The following RIC1 variants were observed in gnomAD, a reference collection of about 807,000 sequenced individuals.
RIC1 encodes the protein guanine nucleotide exchange factor subunit RIC1.
Under a neutral mutation model 169.0 loss-of-function variants are expected in RIC1, and 88 were observed. The ratio of observed to expected loss-of-function variants is 0.52; its 90% CI spans 0.44 to 0.62. The LOEUF (loss-of-function observed/expected upper bound fraction) is 0.62. Among genes scored for constraint, RIC1 ranks in the 20% least tolerant of loss-of-function variants. RIC1 has a pLI of 0.00. For missense variants in RIC1, 1,877 were observed against 1,725.5 expected (o/e 1.09, Z -1.56); for synonymous variants, 790 against 601.5 (o/e 1.31, Z -4.59).
intron 12 of RIC1, among the ~76,000 whole-genome samples, chr9:5,749,994 GTCTCAAACTCCTGACC>G (rs1368515741): frequency 1.3e-5 from 2 of 151,762 alleles, no homozygotes; most frequent in Non-Finnish European, 2.9e-5. Context: ...GGCCAGGCTG[GTCTCAAACTCCTGACC>G]TTGTGATCCA....
chr9:5,675,267 G>C (rs1820373100), intron 2 of RIC1, among the ~76,000 whole-genome samples: 1 of 152,132 alleles, frequency 6.6e-6, no homozygotes, highest in Non-Finnish European at 1.5e-5. Context: ...GAGTCAGGGT[G>C]GAGAATGAGC....
intron 1 of RIC1, among the ~76,000 whole-genome samples, chr9:5,648,376 T>C (rs975023153): frequency 6.6e-6 from 1 of 152,210 alleles, no homozygotes; most frequent in Non-Finnish European, 1.5e-5. Flanking sequence ...TGAAAGGATA[T>C]TGAGTTTTAT....
chr9:5,752,278 A>G (rs1825766465), intron 12 of RIC1, among the ~76,000 whole-genome samples: 1 of 152,170 alleles, frequency 6.6e-6, no homozygotes, highest in African/African-American at 2.4e-5. Flanking sequence ...TAGATAAGTA[A>G]GTCAAATACC....
rs188937542 is a variant in RIC1, at chr9:5,664,947, C to A, written c.252+8257C>A. ...ATTGTGAAGTTCTTGTAGTATGTTT[C>A]TGAGCTCTAACAGGTCGGTTATGTT... On this transcript the variant is annotated intron_variant, in intron 2 of 25. Transcript: ENST00000414202. Among the ~76,000 whole-genome samples the A allele has an allele frequency of 2.3e-3, 353 of 152,262 alleles. 3 individuals are homozygous for A. The highest frequency in any genetic ancestry group is 7.3e-4 in the Non-Finnish European group (50 of 68,030).
At chr9:5,722,750 C>T (rs1236606268) in intron 6 of RIC1, among the ~76,000 whole-genome samples, 3 of 152,040 alleles carry the variant, frequency 2.0e-5, no homozygotes, top group Admixed American at 2.0e-4. Flanking sequence ...ATGTTCCCCA[C>T]CTTGTGTCCA....
intron 2 of RIC1, among the ~76,000 whole-genome samples, chr9:5,676,515 G>C (rs1350816349): frequency 1.3e-5 from 2 of 152,124 alleles, no homozygotes; most frequent in Non-Finnish European, 2.9e-5. Context: ...GAGCAAACTA[G>C]GGTACAGAGA....
intron 7 of RIC1, among the ~76,000 whole-genome samples, chr9:5,734,973 C>T (rs1052440082): frequency 6.6e-6 from 1 of 152,068 alleles, no homozygotes; most frequent in African/African-American, 2.4e-5. Flanking sequence ...ATCTAATACC[C>T]AATTTATATG....
At chr9:5,723,810 T>C (rs1427531894) in intron 6 of RIC1, among the ~76,000 whole-genome samples, 6 of 152,248 alleles carry the variant, frequency 3.9e-5, no homozygotes, top group Non-Finnish European at 7.3e-5. Context: ...ATTTATTAAA[T>C]AGAGAATCCT....
In RIC1 at chr9:5,713,914, G is replaced by T. The variant is rs751712102; in HGVS notation, c.351G>T (p.Lys117Asn). The change falls in exon 4 of 26, where the codon AAG (lysine) becomes AAT (asparagine). Residue 117 changes from lysine (K) to asparagine (N), a missense_variant. Transcript: ENST00000414202. ...GTTTTAGAGGAAGTCCACAAATGAAGGGGACACCCCATTTTAAGGAAGAAC... is the reference window on the plus strand; with the variant it reads ...GTTTTAGAGGAAGTCCACAAATGAATGGGACACCCCATTTTAAGGAAGAAC... The part of the protein sequence containing the change: ...PVYPKGSPQM[K>N]GTPHFKEEQC... 1.9e-6 allele frequency: 3 copies of T among 1,612,722 alleles called. No individual in the cohort carries two copies. The highest frequency in any genetic ancestry group is 2.5e-6 in the Non-Finnish European group (3 of 1,179,038).
chr9:5,774,689 C>G lies in RIC1; in HGVS notation c.*443C>G, dbSNP rs1035020096. The G allele has an allele frequency of 6.4e-6, 1 of 156,706 alleles. No individual in the cohort carries two copies. Among genetic ancestry groups the G allele is most frequent in the Admixed American group, 6.2e-5 (1 of 16,218 alleles). The allele number at this position is 156,706 out of a possible 1,614,324, so 9.7% of individuals were successfully genotyped here. A position where few individuals can be genotyped will look rare whatever the true frequency, so the allele number is the denominator to read the frequency against. ...AGGTACTTGAGCTACCTGTTTGCTC[C>G]CTTGGATACAGCTGGACTCTTTAAT... On this transcript the variant is annotated 3_prime_UTR_variant, in exon 26 of 26. Coordinates refer to ENST00000414202, the MANE Select transcript of RIC1 (RefSeq NM_020829.4).
At chr9:5,733,965 T>G (rs1441390516) in intron 7 of RIC1, among the ~76,000 whole-genome samples, 5 of 150,226 alleles carry the variant, frequency 3.3e-5, no homozygotes, top group Admixed American at 3.3e-4. Flanking sequence ...ACCTAGAATT[T>G]TCTTATTGTG....
chr9:5,757,219 A>T, intron 16 of RIC1, 94 bp from the exon 17 acceptor site: 1 of 1,407,546 alleles, frequency 7.1e-7, no homozygotes, highest in South Asian at 1.2e-5. Context: ...TGAGTCTTCC[A>T]TAAGCATGAA....
intron 2 of RIC1, among the ~76,000 whole-genome samples, chr9:5,688,358 G>A (rs1464715152): frequency 6.6e-6 from 1 of 152,322 alleles, no homozygotes; most frequent in East Asian, 1.9e-4. Flanking sequence ...GGTCACTTCA[G>A]TTGTTTCTTA....
intron 6 of RIC1, among the ~76,000 whole-genome samples, chr9:5,721,468 A>C (rs893310460): frequency 3.3e-5 from 5 of 152,236 alleles, no homozygotes; most frequent in African/African-American, 1.2e-4. Flanking sequence ...ACACACGCTG[A>C]AGAGCCCCAG....
intron 1 of RIC1, among the ~76,000 whole-genome samples, chr9:5,638,441 T>C (rs1818079489): frequency 6.6e-6 from 1 of 152,200 alleles, no homozygotes; most frequent in African/African-American, 2.4e-5. Flanking sequence ...TAAATGTTTG[T>C]TGGAATTGAG....
chr9:5,743,155 A>C (rs1426118821), intron 9 of RIC1, 142 bp downstream of exon 9: 2 of 686,690 alleles, frequency 2.9e-6, no homozygotes, highest in Non-Finnish European at 4.8e-6. Flanking sequence ...ATCTGTTCGA[A>C]TATACTGATT....
At chr9:5,675,513 T>C (rs1014902145) in intron 2 of RIC1, among the ~76,000 whole-genome samples, 7 of 152,246 alleles carry the variant, frequency 4.6e-5, no homozygotes, top group Non-Finnish European at 1.0e-4. Context: ...TTAAATTATT[T>C]TGTTACTCTT....
intron 11 of RIC1, among the ~76,000 whole-genome samples, chr9:5,746,399 A>G (rs2130998440): frequency 6.6e-6 from 1 of 152,224 alleles, no homozygotes; most frequent in Non-Finnish European, 1.5e-5. Context: ...TCCTCCAGGC[A>G]CTACTTATGA....
rs756001257 is a variant in RIC1, at chr9:5,769,066, C to A, written c.3234C>A (p.Asp1078Glu). The A allele has an allele frequency of 3.1e-6, 5 of 1,614,072 alleles. No individual in the cohort carries two copies. The highest frequency in any genetic ancestry group is 1.7e-5 in the Admixed American group (1 of 60,006). Residue 1078 changes from aspartate (D) to glutamate (E), a missense_variant, in exon 22 of 26, where the codon GAC (aspartate) becomes GAA (glutamate). Transcript: ENST00000414202. ...TCTTAGAAGATGTGAGGTTAAAGGACCTTGGCTGCTTTGCAGCCCAGCTGG... is the reference window on the plus strand; with the variant it reads ...TCTTAGAAGATGTGAGGTTAAAGGAACTTGGCTGCTTTGCAGCCCAGCTGG... The part of the protein sequence containing the change: ...RRLLEDVRLK[D>E]LGCFAAQLGF...
Sources: allele counts gnomAD v4.1 joint callset (sites outside exome capture counted in the v4.1 genomes callset), GRCh38; gene constraint gnomAD v4.1.1; transcripts MANE v1.5; gene names NCBI Gene and HGNC (gene_info 2026-07-23, HGNC 2026-07-21).